SYNGR1: variants seen among roughly 807,000 people sequenced by gnomAD.
SYNGR1 encodes the protein synaptogyrin 1, also known as synaptogyrin-1.
In SYNGR1, 14 loss-of-function variants were observed where a neutral mutation model predicts 26.1. The ratio of observed to expected loss-of-function variants is 0.54; its 90% CI spans 0.35 to 0.84. The LOEUF is 0.84. SYNGR1 is among the 40% of genes least tolerant of loss of function. SYNGR1 has a pLI of 0.01. For synonymous variants in SYNGR1, 141 were observed against 150.1 expected, an observed-to-expected ratio of 0.94 and a Z score of 0.44; for missense variants, 319 against 332.9, an observed-to-expected ratio of 0.96 and a Z score of 0.33.
chr22:39,378,260 C>T (rs770545376), intron 3 of SYNGR1: 1 of 998,112 alleles, frequency 1.0e-6, no homozygotes, highest in Non-Finnish European at 1.2e-6. Context: ...CCTCAGTCCA[C>T]TTACCTGAAC....
chr22:39,370,159 C>T (rs1264332168), intron 1 of SYNGR1, among the ~76,000 whole-genome samples: 3 of 151,730 alleles, frequency 2.0e-5, no homozygotes, highest in East Asian at 3.9e-4. Context: ...TGTTTTGAGA[C>T]GGATCTCTGT....
intron 3 of SYNGR1, 59 bp downstream of exon 3, chr22:39,376,256 G>A (rs1033151781): frequency 1.6e-5 from 26 of 1,612,798 alleles, no homozygotes; most frequent in African/African-American, 1.1e-4. Flanking sequence ...TGAGCCCCTG[G>A]ATGGGTGGCC....
chr22:39,366,036 C>T (rs1302016773), intron 1 of SYNGR1, among the ~76,000 whole-genome samples: 1 of 122,072 alleles, frequency 8.2e-6, no homozygotes, highest in African/African-American at 3.0e-5. Flanking sequence ...CTCCCTCTGT[C>T]CCCCAGGCTG....
At chr22:39,368,179 C>G (rs1056022966) in intron 1 of SYNGR1, among the ~76,000 whole-genome samples, 2 of 152,262 alleles carry the variant, frequency 1.3e-5, no homozygotes, top group African/African-American at 4.8e-5. Context: ...GCTCCTTACT[C>G]CAGGCCACGT....
At chr22:39,377,999 C>G (rs1259507241) in intron 3 of SYNGR1, 2 of 1,226,936 alleles carry the variant, frequency 1.6e-6, no homozygotes, top group Middle Eastern at 3.5e-4. Flanking sequence ...ACATCAATAT[C>G]TCTTCCAAAT....
rs1340000705 is a variant in SYNGR1 at position 39,384,258 on chromosome 22, A to T, written c.*2344A>T. The T allele has an allele frequency of 8.6e-6, 3 of 347,868 alleles. No individual in the cohort carries two copies. The highest frequency in any genetic ancestry group is 9.5e-5 in the Admixed American group (2 of 21,028). 21.5% of individuals were successfully genotyped at this position (347,868 alleles called of 1,614,324 possible). ...ATCTGTTTCTCCTCGGGTGCCAGCC[A>T]GCTGCTGGTGATCCTCAGCCGGAGG... is the stretch of plus-strand genomic sequence containing the variant. On this transcript the variant is annotated 3_prime_UTR_variant, in exon 4 of 4. Coordinates refer to ENST00000328933, the MANE Select transcript of SYNGR1 (RefSeq NM_004711.5).
intron 1 of SYNGR1, among the ~76,000 whole-genome samples, chr22:39,371,369 G>A (rs755219400): frequency 9.9e-5 from 15 of 151,978 alleles, no homozygotes; most frequent in Admixed American, 4.6e-4. Context: ...CCAGCTACTC[G>A]GGAGGCTGAG....
At chr22:39,367,324 C>T (rs1924807736) in intron 1 of SYNGR1, among the ~76,000 whole-genome samples, 1 of 152,266 alleles carries the variant, frequency 6.6e-6, no homozygotes, top group South Asian at 2.1e-4. Flanking sequence ...ACTCACTCCA[C>T]TCCAGCAAAC....
At chr22:39,353,480 C>T (rs1924008175) in intron 1 of SYNGR1, among the ~76,000 whole-genome samples, 1 of 152,242 alleles carries the variant, frequency 6.6e-6, no homozygotes, top group African/African-American at 2.4e-5. Context: ...CCACTGCATC[C>T]GGCATGGCTT....
Position 39,385,093 on chromosome 22 carries a change from C to T in SYNGR1, c.*3179C>T. 2 of 398,488 alleles carry T rather than the reference C, an allele frequency of 5.0e-6. No homozygotes were observed. Among genetic ancestry groups the T allele is most frequent in the Non-Finnish European group, 4.4e-6 (1 of 226,002 alleles). The allele number at this position is 398,488 out of a possible 1,614,324, so 24.7% of individuals were successfully genotyped here. On this transcript the variant is annotated 3_prime_UTR_variant, in exon 4 of 4. Coordinates refer to ENST00000328933, the MANE Select transcript of SYNGR1 (RefSeq NM_004711.5). ...AGGTTTCCCCATGTAACTGAGACACCCTGCCTGTTAGCCCTGGGAGACCCC... is the reference window on the plus strand; with the variant it reads ...AGGTTTCCCCATGTAACTGAGACACTCTGCCTGTTAGCCCTGGGAGACCCC...
At chr22:39,374,887 T>A in intron 2 of SYNGR1, 1 of 404,630 alleles carries the variant, frequency 2.5e-6, no homozygotes, top group Non-Finnish European at 4.7e-6. Flanking sequence ...GCCACCTCCC[T>A]GGGGCAGCCT....
intron 1 of SYNGR1, among the ~76,000 whole-genome samples, chr22:39,355,117 G>A (rs917670500): frequency 2.0e-5 from 3 of 152,220 alleles, no homozygotes; most frequent in Admixed American, 6.5e-5. Flanking sequence ...ACAGGATTGA[G>A]TGGGAAGCAC....
chr22:39,377,548 C>T, intron 3 of SYNGR1: 1 of 1,599,630 alleles, frequency 6.3e-7, no homozygotes, highest in Non-Finnish European at 8.5e-7. Flanking sequence ...TCCCTCCTGG[C>T]ACCTCTGCAG....
At position 39,376,188 on chromosome 22, in the gene SYNGR1, C is replaced by A. The variant is rs771230082; in HGVS notation, c.474C>A (p.Ile158=). 1 of 1,614,168 alleles carries A rather than the reference C, an allele frequency of 6.2e-7. No individual in the cohort carries two copies. The highest frequency in any genetic ancestry group is 1.7e-5 in the Admixed American group (1 of 60,026). The change falls in exon 3 of 4, where the codon ATC becomes ATA. Residue 158 remains isoleucine (I), a synonymous_variant. Transcript: ENST00000328933. ...CCATCGCCTTCTCCTTTTTCTCCAT[C>A]TTCACCTGGGTGAGTACAGCCACCG... The part of the protein sequence containing the change: ...RAAIAFSFFS[I]FTWAGQAVLA...
intron 1 of SYNGR1, among the ~76,000 whole-genome samples, chr22:39,357,747 G>A (rs1375348417): frequency 1.3e-5 from 2 of 151,994 alleles, no homozygotes; most frequent in Non-Finnish European, 2.9e-5. Context: ...GCCCGGGCCA[G>A]CGGCTGCGGA....
rs891238057 is a variant in SYNGR1, at chr22:39,383,490, G to C, written c.*1576G>C. 6.6e-6 allele frequency: 1 copy of C among 152,474 alleles called. No homozygotes were observed. The highest frequency in any genetic ancestry group is 1.5e-5 in the Non-Finnish European group (1 of 68,158). 9.4% of individuals were successfully genotyped at this position (152,474 alleles called of 1,614,324 possible). A position where few individuals can be genotyped will look rare whatever the true frequency, so the allele number is the denominator to read the frequency against. On this transcript the variant is annotated 3_prime_UTR_variant, in exon 4 of 4. Coordinates refer to ENST00000328933, the MANE Select transcript of SYNGR1 (RefSeq NM_004711.5). ...AGGTGGGCTCTTCACTGAGCCATAAGGGACAGGGAGGTATGGGAGAGCGCT... is the reference window on the plus strand; with the variant it reads ...AGGTGGGCTCTTCACTGAGCCATAACGGACAGGGAGGTATGGGAGAGCGCT...
chr22:39,376,431 G>T (rs1925287255), intron 3 of SYNGR1, among the ~76,000 whole-genome samples: 2 of 151,142 alleles, frequency 1.3e-5, no homozygotes, highest in South Asian at 2.1e-4. Context: ...CCTCACTGTG[G>T]TGCAGAGCAG....
At chr22:39,362,858 T>C (rs1924550460) in intron 1 of SYNGR1, among the ~76,000 whole-genome samples, 1 of 152,104 alleles carries the variant, frequency 6.6e-6, no homozygotes, top group Non-Finnish European at 1.5e-5. Context: ...ACTATCAGAC[T>C]TGCTGTCTAC....
chr22:39,352,319 T>C (rs541944827), intron 1 of SYNGR1, among the ~76,000 whole-genome samples: 1 of 152,332 alleles, frequency 6.6e-6, no homozygotes, highest in East Asian at 1.9e-4. Flanking sequence ...TACAGGCTGA[T>C]TGACACCTTT....
Sources: allele counts gnomAD v4.1 joint callset (sites outside exome capture counted in the v4.1 genomes callset), GRCh38; gene constraint gnomAD v4.1.1; transcripts MANE v1.5; gene names NCBI Gene and HGNC (gene_info 2026-07-23, HGNC 2026-07-21).